Variants in FAM120B observed in about 807,000 individuals in gnomAD.
FAM120B encodes the protein family with sequence similarity 120 member B.
Under a neutral mutation model 96.3 loss-of-function variants are expected in FAM120B, and 83 were observed. That is an observed-to-expected ratio of 0.86 (90% CI 0.72 to 1.03). The LOEUF is 1.03. Among genes scored for constraint, FAM120B ranks in the 50% least tolerant of loss-of-function variants. FAM120B has a pLI of 0.00. For synonymous variants in FAM120B, 407 were observed against 402.7 expected (o/e 1.01, Z -0.13); for missense variants, 1,027 against 1,121.2 (o/e 0.92, Z 1.20).
chr6:170,373,923 C>G (rs1463961268), intron 6 of FAM120B, among the ~76,000 whole-genome samples: 1 of 152,182 alleles, frequency 6.6e-6, no homozygotes, highest in African/African-American at 2.4e-5. Context: ...CCCAGCATCC[C>G]AGAGCCCCCA....
chr6:170,342,874 T>G (rs2115116930), intron 4 of FAM120B, among the ~76,000 whole-genome samples: 1 of 152,322 alleles, frequency 6.6e-6, no homozygotes, highest in South Asian at 2.1e-4. Flanking sequence ...GAGGGCCACC[T>G]TCGATCTTTA....
At chr6:170,380,186 CT>C (rs915102345) in intron 6 of FAM120B, among the ~76,000 whole-genome samples, 16 of 148,632 alleles carry the variant, frequency 1.1e-4, no homozygotes, top group African/African-American at 2.2e-4. Context: ...GATTTTTTTT[CT>C]TTTTTTTTTA....
At position 170,370,714 on chromosome 6, in the gene FAM120B, G is replaced by A. The variant is rs77218446; in HGVS notation, c.2283+12396G>A. ...CTCACCGCATTTCTTATAAAGATTC[G>A]CCTTCTAACACCTTTAAGGACTTGT... On this transcript the variant is annotated intron_variant, in intron 6 of 10. Transcript: ENST00000476287. This position sits in a 1 kb window ranked among gnomAD's most constrained non-coding sequence, Gnocchi z 4.3. Among the ~76,000 whole-genome samples, 135 of 152,210 alleles carry A rather than the reference G, an allele frequency of 8.9e-4. No homozygotes were observed. The highest frequency in any genetic ancestry group is 3.1e-3 in the African/African-American group (129 of 41,524).
chr6:170,360,729 C>T (rs891958561), intron 6 of FAM120B, among the ~76,000 whole-genome samples: 1 of 152,106 alleles, frequency 6.6e-6, no homozygotes, highest in Non-Finnish European at 1.5e-5. Flanking sequence ...TCCCTGAGGT[C>T]ACTTAGGAAA....
chr6:170,389,546 C>T (rs1790372605), intron 7 of FAM120B, among the ~76,000 whole-genome samples: 1 of 152,054 alleles, frequency 6.6e-6, no homozygotes, highest in African/African-American at 2.4e-5. Context: ...CACACGCACA[C>T]ATATATGTAA....
intron 4 of FAM120B, among the ~76,000 whole-genome samples, chr6:170,347,680 C>T (rs941350205): frequency 6.6e-6 from 1 of 152,042 alleles, no homozygotes; most frequent in East Asian, 1.9e-4. Context: ...GCATATAGAT[C>T]CCAGGAAAAT....
At chr6:170,368,823 G>GGGC (rs1554287950) in intron 6 of FAM120B, among the ~76,000 whole-genome samples, 1 of 125,212 alleles carries the variant, frequency 8.0e-6, no homozygotes, top group Admixed American at 7.5e-5. Context: ...CCGGGGCTGG[G>GGGC]GGGGGGGCTC....
At chr6:170,315,241 G>A (rs1479941898) in intron 1 of FAM120B, among the ~76,000 whole-genome samples, 3 of 152,196 alleles carry the variant, frequency 2.0e-5, no homozygotes, top group Non-Finnish European at 4.4e-5. Flanking sequence ...CTCATCATCA[G>A]CAAACCATGC....
intron 4 of FAM120B, among the ~76,000 whole-genome samples, chr6:170,340,286 A>G (rs188451444): frequency 5.3e-5 from 8 of 152,284 alleles, no homozygotes; most frequent in Admixed American, 4.6e-4. Flanking sequence ...TGATTTGGCT[A>G]TTGATACTTG....
intron 1 of FAM120B, among the ~76,000 whole-genome samples, chr6:170,307,502 CAG>C (rs1220764744): frequency 1.3e-5 from 2 of 152,152 alleles, no homozygotes; most frequent in African/African-American, 4.8e-5. Context: ...TGGATTTGAG[CAG>C]AGTTTTAAGT....
chr6:170,378,766 C>G (rs989215273), intron 6 of FAM120B, among the ~76,000 whole-genome samples: 2 of 152,092 alleles, frequency 1.3e-5, no homozygotes, highest in Admixed American at 1.3e-4. Context: ...TGGTTGTGGG[C>G]GGGGTGGGCT....
At chr6:170,365,159 C>G (rs1190945393) in intron 6 of FAM120B, among the ~76,000 whole-genome samples, 2 of 152,222 alleles carry the variant, frequency 1.3e-5, no homozygotes, top group Non-Finnish European at 2.9e-5. Context: ...GCACTTTACC[C>G]ACATGGAATT....
At chr6:170,327,395 A>G (rs958127429) in intron 3 of FAM120B, among the ~76,000 whole-genome samples, 1 of 152,226 alleles carries the variant, frequency 6.6e-6, no homozygotes, top group Admixed American at 6.5e-5. Flanking sequence ...AATATTCTTA[A>G]AAACATTTTT....
intron 2 of FAM120B, 104 bp downstream of exon 2, chr6:170,319,228 A>G: frequency 1.8e-6 from 2 of 1,141,080 alleles, no homozygotes; most frequent in Non-Finnish European, 2.5e-6. Flanking sequence ...CACTGAGAGG[A>G]TGCACAACAG....
intron 2 of FAM120B, 41 bp from the exon 3 acceptor site, chr6:170,323,038 G>A: frequency 4.5e-6 from 7 of 1,554,316 alleles, no homozygotes; most frequent in Non-Finnish European, 6.1e-6. Context: ...TTACTATCCT[G>A]TTTTTAAGGA....
At chr6:170,400,604 C>T (rs929483797) in intron 9 of FAM120B, among the ~76,000 whole-genome samples, 2 of 152,250 alleles carry the variant, frequency 1.3e-5, no homozygotes, top group Admixed American at 6.5e-5. Flanking sequence ...GCTGCAGGGA[C>T]GGCACCTCCA....
chr6:170,293,287 G>A (rs1020973559), upstream of FAM120B, among the ~76,000 whole-genome samples: 23 of 152,130 alleles, frequency 1.5e-4, no homozygotes, highest in African/African-American at 5.6e-4. Flanking sequence ...AACACTGAGT[G>A]TAGATTTCAG....
intron 9 of FAM120B, among the ~76,000 whole-genome samples, chr6:170,401,018 C>G (rs1778551356): frequency 1.3e-5 from 2 of 152,352 alleles, no homozygotes; most frequent in South Asian, 4.1e-4. Flanking sequence ...AAGCAGCTTT[C>G]TTCCGATTCT....
chr6:170,330,747 A>T, intron 4 of FAM120B, 197 bp downstream of exon 4: 1 of 579,436 alleles, frequency 1.7e-6, no homozygotes. Context: ...TGGCAGGTTT[A>T]CCCTGGACCA....
Sources: allele counts gnomAD v4.1 joint callset (sites outside exome capture counted in the v4.1 genomes callset), GRCh38; gene constraint gnomAD v4.1.1; non-coding constraint Gnocchi (gnomAD v3.1); transcripts MANE v1.5; gene names NCBI Gene and HGNC (gene_info 2026-07-23, HGNC 2026-07-21).